The following NBPF9 variants were observed in gnomAD, a reference collection of about 807,000 sequenced individuals.
NBPF9 encodes the protein NBPF family member NBPF9.
In NBPF9, 91 loss-of-function variants were observed where a neutral mutation model predicts 97.8. The ratio of observed to expected loss-of-function variants is 0.93; its 90% CI spans 0.79 to 1.11. The LOEUF is 1.11. Ranked by LOEUF, NBPF9 falls within the 50% of genes least tolerant of loss-of-function variation. The pLI, the probability that NBPF9 is intolerant of heterozygous loss-of-function variation, is 0.00. For missense variants in NBPF9, 992 were observed against 939.5 expected (o/e 1.06, Z -0.73); for synonymous variants, 334 against 359.5 (o/e 0.93, Z 0.80).
chr1:149,071,264 C>A, intron 15 of NBPF9, 125 bp from the exon 16 acceptor site: 2 of 1,357,438 alleles, frequency 1.5e-6, no homozygotes, highest in South Asian at 2.4e-5. Context: ...AATGGAGGTT[C>A]CCATTAAGAG....
intron 5 of NBPF9, chr1:149,090,529 A>G: frequency 2.2e-6 from 1 of 448,552 alleles, no homozygotes; most frequent in African/African-American, 2.0e-5. Context: ...AAACCTTAAG[A>G]TGCATTAAAT....
At chr1:149,070,098 A>C (rs1279240739) in intron 16 of NBPF9, among the ~76,000 whole-genome samples, 2 of 137,250 alleles carry the variant, frequency 1.5e-5, no homozygotes, top group Non-Finnish European at 3.1e-5. Flanking sequence ...AGACAGGTGA[A>C]TCATTTGAGG....
rs587682975 is a variant in NBPF9 at position 149,073,823 on chromosome 1, G to A, written c.1036C>T (p.Arg346Ter). ...GCAAGCTTCTCCTCCTTGAACTGTC[G>A]CTCATTCCTCAGCATAAATTTTATG... is the stretch of plus-strand genomic sequence containing the variant. Residue 346 changes from arginine (R) to a stop codon, truncating the protein, a stop_gained, in exon 13 of 30, where the codon CGA becomes TGA. Coordinates refer to ENST00000584027, the Ensembl canonical transcript of NBPF9. LOFTEE classifies it high-confidence loss of function. The A allele has an allele frequency of 1.4e-4, 205 of 1,513,210 alleles. 5 individuals carry two copies. In the African/African-American group the frequency reaches 1.5e-3, roughly 11 times the overall value. The allele number at this position is 1,513,210 out of a possible 1,614,324, so 93.7% of individuals were successfully genotyped here.
chr1:149,075,452 C>T, intron 12 of NBPF9, among the ~76,000 whole-genome samples: 1 of 152,138 alleles, frequency 6.6e-6, no homozygotes, highest in Non-Finnish European at 1.5e-5. Flanking sequence ...GTCCCACCCC[C>T]ACCTGATTGC....
exon 6 of NBPF9, chr1:149,082,345 G>A (rs1257252797): frequency 2.6e-6 from 4 of 1,533,234 alleles, no homozygotes; most frequent in East Asian, 5.2e-5. Flanking sequence ...GGTTTGAGGT[G>A]CCTCAACTCA....
rs12045332 is a variant in NBPF9, at chr1:149,085,888, C to A, written c.-194-3458G>T. On this transcript the variant is annotated intron_variant, in intron 5 of 29. Transcript: ENST00000584027. ...AAGATAGAGGAAATTCCCTATGCCC[C>A]AAAGTTTCTTGTACCCCTTTGCAGT... 4.0e-5 allele frequency among the ~76,000 whole-genome samples: 6 copies of A among 151,808 alleles called. No homozygotes were observed. The South Asian group carries it at 6.2e-4, about 16-fold the overall frequency.
intron 5 of NBPF9, among the ~76,000 whole-genome samples, chr1:149,084,266 G>T (rs587727114): frequency 6.9e-6 from 1 of 145,542 alleles, no homozygotes; most frequent in African/African-American, 2.5e-5. Flanking sequence ...ATATATACAC[G>T]TGTATATATA....
rs1553657037 is a variant in NBPF9 at position 149,082,277 on chromosome 1, T to C, written c.-41A>G. Reference sequence around the variant, plus strand: ...TCAGTAACTGAAATTCTTACCTTACTGTTGTGAAAAATGTGATCACTCCCA... The same window carrying C: ...TCAGTAACTGAAATTCTTACCTTACCGTTGTGAAAAATGTGATCACTCCCA... On this transcript the variant is annotated 5_prime_UTR_variant, in exon 6 of 30. Transcript: ENST00000584027. 2.0e-5 allele frequency: 31 copies of C among 1,525,538 alleles called. 1 individual carries two copies. In the East Asian group the frequency reaches 6.8e-4, roughly 34 times the overall value. 94.5% of individuals were successfully genotyped at this position (1,525,538 alleles called of 1,614,324 possible). A position where few individuals can be genotyped will look rare whatever the true frequency, so the allele number is the denominator to read the frequency against.
At chr1:149,089,614 A>G (rs1249955037) in intron 5 of NBPF9, among the ~76,000 whole-genome samples, 11 of 152,298 alleles carry the variant, frequency 7.2e-5, no homozygotes, top group African/African-American at 2.7e-4. Context: ...GGGGAAACAA[A>G]AGGAGAATAC....
At position 149,061,536 on chromosome 1, in the gene NBPF9, C is replaced by A; in HGVS notation, c.2252-153G>T. ...TACTTCAGGAAGCCTGAAAGCTGGTCATGATATTCTTTGGTTTGCATCTCA... is the reference window on the plus strand; with the variant it reads ...TACTTCAGGAAGCCTGAAAGCTGGTAATGATATTCTTTGGTTTGCATCTCA... On this transcript the variant is annotated intron_variant, in intron 22 of 29. Transcript: ENST00000584027. 3 of 425,562 alleles carry A rather than the reference C, an allele frequency of 7.0e-6. 1 individual carries two copies. The highest frequency in any genetic ancestry group is 1.3e-5 in the Non-Finnish European group (3 of 235,404). 26.4% of individuals were successfully genotyped at this position (425,562 alleles called of 1,614,324 possible).
chr1:149,077,378 G>A (rs1308878975), exon 11 of NBPF9: 2 of 1,609,970 alleles, frequency 1.2e-6, no homozygotes, highest in African/African-American at 2.7e-5. Context: ...TTCCTCCAGT[G>A]AGTCCTCAGC....
At chr1:149,087,674 G>C (rs1278862029) in intron 5 of NBPF9, among the ~76,000 whole-genome samples, 1 of 150,654 alleles carries the variant, frequency 6.6e-6, no homozygotes, top group African/African-American at 2.4e-5. Context: ...TGGATCTGGA[G>C]ATCAATTTAC....
At chr1:149,057,750 C>T (rs1166514237) in intron 27 of NBPF9, among the ~76,000 whole-genome samples, 1 of 95,406 alleles carries the variant, frequency 1.0e-5, no homozygotes, top group Admixed American at 1.1e-4. Context: ...CACACACACA[C>T]ACAGAGAGAG....
At chr1:149,071,562 T>G in intron 15 of NBPF9, 42 bp downstream of exon 15, 1 of 934,244 alleles carries the variant, frequency 1.1e-6, no homozygotes, top group Non-Finnish European at 1.7e-6. Flanking sequence ...ATATTCCTCA[T>G]ATGTTACCAT....
At chr1:149,078,957 C>G in intron 9 of NBPF9, 50 bp downstream of exon 9, 1 of 1,097,858 alleles carries the variant, frequency 9.1e-7, no homozygotes, top group Non-Finnish European at 1.4e-6. Flanking sequence ...AGGTCTGGAG[C>G]CTCTCATAAG....
At position 149,059,305 on chromosome 1, in the gene NBPF9, G is replaced by C; in HGVS notation, c.2586-208C>G. On this transcript the variant is annotated intron_variant, in intron 25 of 29. Coordinates refer to ENST00000584027, the Ensembl canonical transcript of NBPF9. ...AGAAAGACAGGGAGAGACAGAGACA[G>C]AGACAGAGAGAAAGTGACCTAGTGA... 4.1e-6 allele frequency: 2 copies of C among 485,888 alleles called. 1 individual carries two copies. The highest frequency in any genetic ancestry group is 7.6e-6 in the Non-Finnish European group (2 of 262,040). The allele number at this position is 485,888 out of a possible 1,614,324, so 30.1% of individuals were successfully genotyped here. A position where few individuals can be genotyped will look rare whatever the true frequency, so the allele number is the denominator to read the frequency against.
chr1:149,079,744 A>G (rs1252540409), intron 8 of NBPF9, among the ~76,000 whole-genome samples: 7 of 151,798 alleles, frequency 4.6e-5, no homozygotes, highest in South Asian at 2.1e-4. Context: ...GGGTGGCAAT[A>G]GCACACCATT....
At chr1:149,070,847 A>T (rs1302282768) in intron 16 of NBPF9, 87 bp downstream of exon 16, 2 of 1,368,426 alleles carry the variant, frequency 1.5e-6, no homozygotes, top group Non-Finnish European at 2.1e-6. Flanking sequence ...TTTTATTCAA[A>T]TGAATTTGTG....
At chr1:149,072,306 C>T (rs868960808) in intron 14 of NBPF9, among the ~76,000 whole-genome samples, 20 of 152,202 alleles carry the variant, frequency 1.3e-4, no homozygotes, top group African/African-American at 4.8e-4. Flanking sequence ...AATTTGTCTG[C>T]CACGGAGAGA....
Sources: allele counts gnomAD v4.1 joint callset (sites outside exome capture counted in the v4.1 genomes callset), GRCh38; gene constraint gnomAD v4.1.1; transcripts MANE v1.5; gene names NCBI Gene and HGNC (gene_info 2026-07-23, HGNC 2026-07-21).